PREX2: variants seen among roughly 807,000 people sequenced by gnomAD.
PREX2 encodes the protein phosphatidylinositol 3,4,5-trisphosphate-dependent Rac exchanger 2 protein.
PREX2 carries 107 observed loss-of-function variants against 203.2 expected under a neutral mutation model. That is an observed-to-expected ratio of 0.53 (90% confidence interval 0.45 to 0.62). PREX2 has a LOEUF of 0.62. PREX2 is among the 20% of genes least tolerant of loss of function. The pLI, the probability that PREX2 is intolerant of heterozygous loss-of-function variation, is 0.00. For missense variants in PREX2, 1,777 were observed against 1,955.9 expected, an observed-to-expected ratio of 0.91 and a Z score of 1.72; for synonymous variants, 672 against 663.6, an observed-to-expected ratio of 1.01 and a Z score of -0.19.
chr8:68,022,233 T>A lies in PREX2; in HGVS notation c.441+93T>A, dbSNP rs552952358. The A allele has an allele frequency of 1.4e-4, 95 of 699,946 alleles. 3 individuals carry two copies. In the South Asian group the frequency reaches 1.5e-3, roughly 11 times the overall value. The allele number at this position is 699,946 out of a possible 1,614,324, so 43.4% of individuals were successfully genotyped here. A position where few individuals can be genotyped will look rare whatever the true frequency, so the allele number is the denominator to read the frequency against. The stretch of plus-strand genomic sequence containing the variant: ...AGCATCAATATGGAGTAAAAATCTG[T>A]GGGATACCTCTGTTAGCATCCCCAG... On this transcript the variant is annotated intron_variant, in intron 4 of 39. Coordinates refer to ENST00000288368, the MANE Select transcript of PREX2 (RefSeq NM_024870.4).
At chr8:68,071,761 C>G (rs560411916) in intron 13 of PREX2, among the ~76,000 whole-genome samples, 2 of 152,166 alleles carry the variant, frequency 1.3e-5, no homozygotes, top group African/African-American at 4.8e-5. Flanking sequence ...ATGATCTAAT[C>G]AGGCAAAAAG....
intron 1 of PREX2, among the ~76,000 whole-genome samples, chr8:68,001,190 C>A (rs7015983): frequency 0.69 from 103,950 of 151,700 alleles, 35,825 homozygotes; most frequent in South Asian, 0.81. Flanking sequence ...TTTGTAAACT[C>A]TGCATCTGGC....
rs761524264 is a variant in PREX2 at position 67,992,849 on chromosome 8, G to A, written c.142-24997G>A. 7.3e-4 allele frequency among the ~76,000 whole-genome samples: 111 copies of A among 152,088 alleles called. 1 individual carries two copies. The highest frequency in any genetic ancestry group is 3.9e-3 in the Admixed American group (60 of 15,262). On this transcript the variant is annotated intron_variant, in intron 1 of 39. Coordinates refer to ENST00000288368, the MANE Select transcript of PREX2 (RefSeq NM_024870.4). ...AGCTTTGTTCTTTCAGAGGGCGTAG[G>A]GGGTCATAACTAGTACCCAACAAAA... is the stretch of plus-strand genomic sequence containing the variant.
Position 67,952,326 on chromosome 8 carries a change from G to GGCA in PREX2, c.-63_-61dup. 2 of 1,304,762 alleles carry GGCA rather than the reference G, an allele frequency of 1.5e-6. No homozygotes were observed. The highest frequency in any genetic ancestry group is 2.0e-6 in the Non-Finnish European group (2 of 1,023,340). The allele number at this position is 1,304,762 out of a possible 1,614,324, so 80.8% of individuals were successfully genotyped here. ...TTTCCATTCTCGCCGCCGGGGGCCG[G>GGCA]GCAGCAGCGGGCGCGCGGGTCAGCG... On this transcript the variant is annotated 5_prime_UTR_variant, in exon 1 of 40. Coordinates refer to ENST00000288368, the MANE Select transcript of PREX2 (RefSeq NM_024870.4).
intron 34 of PREX2, among the ~76,000 whole-genome samples, chr8:68,151,256 TA>T (rs796692887): frequency 1.6e-4 from 23 of 147,666 alleles, no homozygotes; most frequent in East Asian, 3.9e-4. Context: ...CCTCATCTCT[TA>T]AAAAAAAAAA....
chr8:68,153,651 A>G (rs1036711305), intron 34 of PREX2, among the ~76,000 whole-genome samples: 5 of 152,174 alleles, frequency 3.3e-5, no homozygotes, highest in African/African-American at 1.2e-4. Context: ...TGGGTTTTTT[A>G]TAACAATAAA....
chr8:68,170,771 C>T (rs1014521858), intron 35 of PREX2, among the ~76,000 whole-genome samples: 2 of 152,114 alleles, frequency 1.3e-5, no homozygotes, highest in African/African-American at 4.8e-5. Flanking sequence ...TTACCTAAGT[C>T]TTTCCTTTTT....
chr8:68,001,963 A>G (rs1337701725), intron 1 of PREX2, among the ~76,000 whole-genome samples: 1 of 152,018 alleles, frequency 6.6e-6, no homozygotes, highest in Non-Finnish European at 1.5e-5. Flanking sequence ...TGGGAGGAGG[A>G]AGAGGGGCAG....
intron 1 of PREX2, among the ~76,000 whole-genome samples, chr8:68,005,912 A>G (rs959381824): frequency 6.6e-6 from 1 of 152,238 alleles, no homozygotes; most frequent in South Asian, 2.1e-4. Context: ...TCATGCAATA[A>G]GGATATTATT....
At chr8:68,067,451 C>T (rs1305022935) in intron 11 of PREX2, among the ~76,000 whole-genome samples, 1 of 151,862 alleles carries the variant, frequency 6.6e-6, no homozygotes, top group Middle Eastern at 3.2e-3. Flanking sequence ...GTGTACAGAT[C>T]GTTCACCTTC....
chr8:68,065,600 A>G (rs1280635304), intron 11 of PREX2, among the ~76,000 whole-genome samples: 2 of 152,168 alleles, frequency 1.3e-5, no homozygotes, highest in Non-Finnish European at 2.9e-5. Context: ...TTTCTTCTGG[A>G]TGCATCAAAT....
At chr8:67,956,700 G>A (rs1335058922) in intron 1 of PREX2, among the ~76,000 whole-genome samples, 1 of 152,172 alleles carries the variant, frequency 6.6e-6, no homozygotes, top group Non-Finnish European at 1.5e-5. Context: ...CACTTCTGAG[G>A]GTGAAAGGGA....
intron 8 of PREX2, among the ~76,000 whole-genome samples, chr8:68,047,500 T>TAC (rs1808399229): frequency 3.8e-5 from 2 of 52,450 alleles, no homozygotes; most frequent in African/African-American, 1.7e-4. Flanking sequence ...TATATATATA[T>TAC]ATATATACAC....
chr8:67,952,545 C>A lies in PREX2; in HGVS notation c.141+10C>A, dbSNP rs535759956. 260 of 1,607,572 alleles carry A rather than the reference C, an allele frequency of 1.6e-4. 3 individuals are homozygous for A. The South Asian group carries it at 2.7e-3, about 17-fold the overall frequency. ...GGAGTTCCTGGTGTCGGTGAGTGTC[C>A]CCGGCAGACGCAGGGGGACGTCCGG... On this transcript the variant is annotated intron_variant, in intron 1 of 39. Coordinates refer to ENST00000288368, the MANE Select transcript of PREX2 (RefSeq NM_024870.4).
In PREX2 at chr8:67,952,903, T is replaced by C. The variant is rs1028525562; in HGVS notation, c.141+368T>C. 9.2e-5 allele frequency among the ~76,000 whole-genome samples: 14 copies of C among 152,298 alleles called. 1 individual carries two copies. The highest frequency in any genetic ancestry group is 5.9e-4 in the Admixed American group (9 of 15,306). On this transcript the variant is annotated intron_variant, in intron 1 of 39. Coordinates refer to ENST00000288368, the MANE Select transcript of PREX2 (RefSeq NM_024870.4). ...GTAATTGATTTTCCTTCTTGTTCTT[T>C]CCTGGAGACTTTGTTTTAAAGCTTT...
intron 1 of PREX2, among the ~76,000 whole-genome samples, chr8:67,975,621 A>G (rs904732887): frequency 8.6e-5 from 13 of 150,862 alleles, no homozygotes. Flanking sequence ...GCAGTGCCTA[A>G]GTATTCTATG....
intron 11 of PREX2, among the ~76,000 whole-genome samples, chr8:68,062,451 A>G (rs1220892194): frequency 6.6e-6 from 1 of 152,176 alleles, no homozygotes; most frequent in Non-Finnish European, 1.5e-5. Context: ...AAGGCCCCTG[A>G]CTTCCTCTCA....
At chr8:68,208,240 A>G (rs1000575507) in intron 37 of PREX2, among the ~76,000 whole-genome samples, 9 of 152,196 alleles carry the variant, frequency 5.9e-5, no homozygotes, top group South Asian at 2.1e-4. Context: ...GCTGTAGTGA[A>G]TACATTAACA....
intron 35 of PREX2, among the ~76,000 whole-genome samples, chr8:68,175,746 C>T (rs1811966162): frequency 6.6e-6 from 1 of 151,986 alleles, no homozygotes; most frequent in Admixed American, 6.6e-5. Flanking sequence ...ATTTTAAATG[C>T]CATCAAAATG....
Sources: gnomAD v4.1 joint callset for allele counts (sites outside exome capture counted in the v4.1 genomes callset) on GRCh38, gnomAD v4.1.1 for gene constraint, MANE v1.5 for transcripts, NCBI Gene and HGNC (gene_info 2026-07-23, HGNC 2026-07-21) for gene names.